SPOCK3: variants seen among roughly 807,000 people sequenced by gnomAD.
SPOCK3 encodes the protein SPARC (osteonectin), cwcv and kazal like domains proteoglycan 3.
In SPOCK3, 30 loss-of-function variants were observed where a neutral mutation model predicts 56.6. The ratio of observed to expected loss-of-function variants is 0.53; its 90% CI spans 0.40 to 0.72. The LOEUF (loss-of-function observed/expected upper bound fraction) is 0.72, where lower values mean the gene tolerates loss of function less well. Ranked by LOEUF, SPOCK3 falls within the 30% of genes least tolerant of loss-of-function variation. SPOCK3 has a pLI of 0.00. For missense variants in SPOCK3, 527 were observed against 530.0 expected, an observed-to-expected ratio of 0.99 and a Z score of 0.06; for synonymous variants, 196 against 183.3, an observed-to-expected ratio of 1.07 and a Z score of -0.56.
At chr4:166,772,268 AAT>A (rs1272609477) in intron 7 of SPOCK3, among the ~76,000 whole-genome samples, 7 of 152,230 alleles carry the variant, frequency 4.6e-5, no homozygotes, top group African/African-American at 1.4e-4. Flanking sequence ...AAGTACATAA[AAT>A]ATATGTTTAA....
chr4:166,969,072 C>A (rs919968642), intron 4 of SPOCK3, among the ~76,000 whole-genome samples: 12 of 152,218 alleles, frequency 7.9e-5, no homozygotes, highest in Non-Finnish European at 1.5e-4. Flanking sequence ...TAGCCCCTTT[C>A]TTTTGGCTGA....
At chr4:167,137,894 TC>T (rs1763249125) in intron 2 of SPOCK3, among the ~76,000 whole-genome samples, 1 of 151,888 alleles carries the variant, frequency 6.6e-6, no homozygotes, top group African/African-American at 2.4e-5. Context: ...ACATGACTCT[TC>T]TATTGGTTTT....
intron 6 of SPOCK3, among the ~76,000 whole-genome samples, chr4:166,887,984 T>C (rs1734380794): frequency 6.6e-6 from 1 of 152,082 alleles, no homozygotes; most frequent in African/African-American, 2.4e-5. Context: ...TCAAATCGGC[T>C]AATTTATTTT....
intron 3 of SPOCK3, among the ~76,000 whole-genome samples, chr4:167,059,635 A>G (rs1313011599): frequency 6.6e-6 from 1 of 152,062 alleles, no homozygotes; most frequent in African/African-American, 2.4e-5. Context: ...CATTTGACCC[A>G]GCCATCCCAT....
chr4:166,904,917 A>G (rs962970411), intron 5 of SPOCK3, among the ~76,000 whole-genome samples: 1 of 152,038 alleles, frequency 6.6e-6, no homozygotes, highest in Non-Finnish European at 1.5e-5. Context: ...ACATGTGATA[A>G]ATGCATCAGT....
At chr4:166,831,881 C>T (rs969026257) in intron 6 of SPOCK3, among the ~76,000 whole-genome samples, 8 of 150,992 alleles carry the variant, frequency 5.3e-5, no homozygotes, top group Non-Finnish European at 7.4e-5. Flanking sequence ...TTTGACTGCT[C>T]GCGTGTCTTC....
intron 7 of SPOCK3, among the ~76,000 whole-genome samples, chr4:166,788,761 TA>T (rs886227001): frequency 6.6e-6 from 1 of 151,700 alleles, no homozygotes; most frequent in African/African-American, 2.4e-5. Context: ...GACGTTTTTT[TA>T]AAAAACTATA....
chr4:166,971,631 G>C (rs1354406526), intron 4 of SPOCK3, among the ~76,000 whole-genome samples: 1 of 151,966 alleles, frequency 6.6e-6, no homozygotes, highest in Non-Finnish European at 1.5e-5. Context: ...TTCAGTATTA[G>C]ATGTGAATCT....
At chr4:167,119,749 C>T (rs968150244) in intron 2 of SPOCK3, 10 of 1,292,994 alleles carry the variant, frequency 7.7e-6, no homozygotes, top group Non-Finnish European at 1.1e-5. Context: ...GGGTACTCTG[C>T]TACCCACTAT....
chr4:166,770,447 C>T (rs192358082), intron 7 of SPOCK3, among the ~76,000 whole-genome samples: 1 of 152,216 alleles, frequency 6.6e-6, no homozygotes, highest in East Asian at 1.9e-4. Context: ...CATCTGCAAT[C>T]TTAGTTCCAT....
At chr4:166,839,887 C>G (rs1208833555) in intron 6 of SPOCK3, among the ~76,000 whole-genome samples, 1 of 152,168 alleles carries the variant, frequency 6.6e-6, no homozygotes, top group Non-Finnish European at 1.5e-5. Flanking sequence ...ATAAAAGTCC[C>G]CTGGGTTTTG....
intron 7 of SPOCK3, among the ~76,000 whole-genome samples, chr4:166,788,203 C>T (rs866784628): frequency 1.1e-4 from 17 of 151,704 alleles, no homozygotes; most frequent in African/African-American, 1.7e-4. Flanking sequence ...AACAAACAAA[C>T]AAAAAAACCC....
At chr4:167,192,182 T>G (rs1732525970) in intron 2 of SPOCK3, among the ~76,000 whole-genome samples, 2 of 145,960 alleles carry the variant, frequency 1.4e-5, no homozygotes, top group South Asian at 4.2e-4. Context: ...TTTGGTTTGA[T>G]AGTATTTTTT....
chr4:166,962,374 T>C (rs533203324), intron 4 of SPOCK3, among the ~76,000 whole-genome samples: 17 of 152,188 alleles, frequency 1.1e-4, no homozygotes, highest in African/African-American at 1.9e-4. Context: ...CCTGGGGGTA[T>C]TGGGGCCCAG....
chr4:166,851,222 C>G (rs958731526), intron 6 of SPOCK3, among the ~76,000 whole-genome samples: 2 of 152,144 alleles, frequency 1.3e-5, no homozygotes, highest in Non-Finnish European at 2.9e-5. Context: ...ACACCTCACA[C>G]GGCCGGGTAC....
chr4:166,802,987 T>C (rs931846543), intron 6 of SPOCK3, among the ~76,000 whole-genome samples: 1 of 152,276 alleles, frequency 6.6e-6, no homozygotes, highest in African/African-American at 2.4e-5. Context: ...GGTAGTGGTG[T>C]TTCTGTTGCA....
intron 4 of SPOCK3, among the ~76,000 whole-genome samples, chr4:166,941,154 C>A (rs1341525276): frequency 6.6e-6 from 1 of 151,982 alleles, no homozygotes; most frequent in Admixed American, 6.6e-5. Flanking sequence ...GGCTGTCAGC[C>A]AGAAGCTAGG....
At chr4:167,077,814 T>C (rs1757332615) in intron 2 of SPOCK3, among the ~76,000 whole-genome samples, 1 of 151,772 alleles carries the variant, frequency 6.6e-6, no homozygotes, top group Non-Finnish European at 1.5e-5. Context: ...ACTTATTACC[T>C]GCAGGTGAGT....
intron 4 of SPOCK3, among the ~76,000 whole-genome samples, chr4:166,930,011 G>A (rs1227126721): frequency 6.6e-6 from 1 of 152,016 alleles, no homozygotes; most frequent in Non-Finnish European, 1.5e-5. Context: ...TTCAAATGAG[G>A]AAAATGAACC....
Sources: allele counts gnomAD v4.1 joint callset (sites outside exome capture counted in the v4.1 genomes callset), GRCh38; gene constraint gnomAD v4.1.1; transcripts MANE v1.5; gene names NCBI Gene and HGNC (gene_info 2026-07-23, HGNC 2026-07-21).